Variants in RFX3 observed in about 807,000 individuals in gnomAD.
RFX3 encodes the protein transcription factor RFX3.
RFX3 carries 14 observed loss-of-function variants against 98.6 expected under a neutral mutation model. That is an observed-to-expected ratio of 0.14 (90% CI 0.09 to 0.22). RFX3 has a LOEUF of 0.22. RFX3 is among the 10% of genes least tolerant of loss of function. RFX3 has a pLI of 1.00. For missense variants in RFX3, 639 were observed against 926.9 expected (o/e 0.69, Z 4.03); for synonymous variants, 383 against 328.4 (o/e 1.17, Z -1.80).
chr9:3,466,022 T>C (rs147788557), intron 1 of RFX3, among the ~76,000 whole-genome samples: 96 of 152,200 alleles, frequency 6.3e-4, no homozygotes, highest in African/African-American at 2.1e-3. Flanking sequence ...AAATACAAGA[T>C]TGGAAGTACA....
chr9:3,525,104 T>C (rs1376494801), intron 1 of RFX3, among the ~76,000 whole-genome samples: 1 of 150,198 alleles, frequency 6.7e-6, no homozygotes, highest in African/African-American at 2.5e-5. Context: ...CTGATGATGG[T>C]GAAAGAAGAG....
chr9:3,405,799 T>G (rs978838959), intron 1 of RFX3, among the ~76,000 whole-genome samples: 2 of 152,162 alleles, frequency 1.3e-5, no homozygotes, highest in Non-Finnish European at 2.9e-5. Context: ...TAATAGGTTC[T>G]CAGTGCCCTC....
chr9:3,400,978 A>G (rs1376277211), intron 1 of RFX3, among the ~76,000 whole-genome samples: 5 of 152,196 alleles, frequency 3.3e-5, no homozygotes, highest in African/African-American at 1.2e-4. Context: ...CTGCTTTGCA[A>G]TATCATGATG....
chr9:3,379,835 A>G (rs1838978718), intron 2 of RFX3, among the ~76,000 whole-genome samples: 1 of 152,090 alleles, frequency 6.6e-6, no homozygotes, highest in South Asian at 2.1e-4. Flanking sequence ...GCAGAGCACC[A>G]CTACATCAAT....
intron 1 of RFX3, chr9:3,488,896 C>T (rs1850501533): frequency 1.0e-6 from 1 of 984,822 alleles, no homozygotes. Flanking sequence ...TCCATGGCTG[C>T]TAAAACAAAG....
chr9:3,396,417 C>T (rs1840882527), intron 1 of RFX3, among the ~76,000 whole-genome samples: 1 of 152,180 alleles, frequency 6.6e-6, no homozygotes, highest in South Asian at 2.1e-4. Flanking sequence ...ATATGTGCCA[C>T]ATTTTCTTAA....
At chr9:3,346,216 C>T (rs946897229) in intron 3 of RFX3, among the ~76,000 whole-genome samples, 1 of 152,164 alleles carries the variant, frequency 6.6e-6, no homozygotes, top group Non-Finnish European at 1.5e-5. Flanking sequence ...TATTATCAGA[C>T]ATTTTTATGT....
chr9:3,238,862 G>T (rs1014793834), intron 15 of RFX3, among the ~76,000 whole-genome samples: 1 of 151,828 alleles, frequency 6.6e-6, no homozygotes, highest in Non-Finnish European at 1.5e-5. Flanking sequence ...GCGTGGTTGC[G>T]CATGCCTATA....
rs560790089 is a variant in RFX3 at position 3,480,121 on chromosome 9, A to C, written c.-9+45626T>G. Reference sequence around the variant, plus strand: ...CCACCCCAAAACTTACTGGCACAACAACCACCATTTTATTTGGTCATAATT... The same window carrying C: ...CCACCCCAAAACTTACTGGCACAACCACCACCATTTTATTTGGTCATAATT... On this transcript the variant is annotated intron_variant, in intron 1 of 16. Coordinates refer to ENST00000617270, the MANE Select transcript of RFX3 (RefSeq NM_001282116.2). Among the ~76,000 whole-genome samples the C allele has an allele frequency of 1.6e-4, 25 of 152,318 alleles. No homozygotes were observed. In the East Asian group the frequency reaches 3.1e-3, roughly 19 times the overall value.
At chr9:3,433,485 T>C (rs1844842184) in intron 1 of RFX3, among the ~76,000 whole-genome samples, 1 of 152,194 alleles carries the variant, frequency 6.6e-6, no homozygotes, top group South Asian at 2.1e-4. Context: ...ACATAGAAAA[T>C]ATGTGTTAAT....
At chr9:3,404,178 G>C (rs1841743494) in intron 1 of RFX3, among the ~76,000 whole-genome samples, 1 of 152,038 alleles carries the variant, frequency 6.6e-6, no homozygotes, top group African/African-American at 2.4e-5. Flanking sequence ...AGTGAACATG[G>C]GTGTAGGTGG....
intron 1 of RFX3, among the ~76,000 whole-genome samples, chr9:3,467,779 GC>G (rs1848442316): frequency 6.6e-6 from 1 of 152,238 alleles, no homozygotes; most frequent in South Asian, 2.1e-4. Context: ...GCCAGTAGAG[GC>G]TGCCAGTGTA....
intron 1 of RFX3, 80 bp from the exon 2 acceptor site, chr9:3,395,676 C>T (rs1170648354): frequency 2.7e-6 from 4 of 1,478,412 alleles, no homozygotes; most frequent in Non-Finnish European, 2.8e-6. Context: ...TCTTAAAATC[C>T]TATACTGAAA....
chr9:3,515,184 C>G (rs1818034937), intron 1 of RFX3, among the ~76,000 whole-genome samples: 2 of 152,286 alleles, frequency 1.3e-5, no homozygotes, highest in East Asian at 1.9e-4. Context: ...TGCTTATGAA[C>G]TAGATTTTCT....
chr9:3,233,340 A>G lies in RFX3; in HGVS notation c.1969-4451T>C, dbSNP rs571906369. ...TTTTGAGGCCTAGTATCTATACCTG[A>G]GCATACTGAGAGGAACCTGGCTCAG... On this transcript the variant is annotated intron_variant, in intron 15 of 16. Coordinates refer to ENST00000617270, the MANE Select transcript of RFX3 (RefSeq NM_001282116.2). Among the ~76,000 whole-genome samples, 7 of 152,292 alleles carry G rather than the reference A, an allele frequency of 4.6e-5. No individual in the cohort carries two copies. The South Asian group carries it at 1.2e-3, about 27-fold the overall frequency.
intron 1 of RFX3, among the ~76,000 whole-genome samples, chr9:3,454,695 T>C (rs115990903): frequency 0.017 from 2,580 of 152,326 alleles, 78 homozygotes; most frequent in African/African-American, 0.059. Context: ...TCCCATTCTA[T>C]GACTAGGCTA....
intron 1 of RFX3, among the ~76,000 whole-genome samples, chr9:3,420,062 A>G (rs1843312006): frequency 6.6e-6 from 1 of 152,216 alleles, no homozygotes; most frequent in Non-Finnish European, 1.5e-5. Context: ...AATGTGGCAG[A>G]AAGAACGTCG....
At chr9:3,274,512 C>T (rs1160238572) in intron 9 of RFX3, among the ~76,000 whole-genome samples, 4 of 152,052 alleles carry the variant, frequency 2.6e-5, no homozygotes, top group African/African-American at 9.7e-5. Context: ...GAGAGCTCAC[C>T]TCCCAGACAA....
chr9:3,368,907 T>C (rs1837507681), intron 2 of RFX3, among the ~76,000 whole-genome samples: 1 of 152,268 alleles, frequency 6.6e-6, no homozygotes, highest in African/African-American at 2.4e-5. Context: ...AAGATAATTT[T>C]ATTTTGTAAG....
Sources: gnomAD v4.1 joint callset for allele counts (sites outside exome capture counted in the v4.1 genomes callset) on GRCh38, gnomAD v4.1.1 for gene constraint, MANE v1.5 for transcripts, NCBI Gene and HGNC (gene_info 2026-07-23, HGNC 2026-07-21) for gene names.